The following ST8SIA6 variants were observed in gnomAD, a reference collection of about 807,000 sequenced individuals.
ST8SIA6 encodes ST8 alpha-N-acetyl-neuraminide alpha-2,8-sialyltransferase 6, also known as alpha-2,8-sialyltransferase 8F.
ST8SIA6 carries 39 observed loss-of-function variants against 33.6 expected under a neutral mutation model. The ratio of observed to expected loss-of-function variants is 1.16; its 90% confidence interval spans 0.90 to 1.52. The LOEUF (loss-of-function observed/expected upper bound fraction) is 1.52, where lower values mean the gene tolerates loss of function less well. Among genes scored for constraint, ST8SIA6 ranks in the 40% most tolerant of loss-of-function variants. The pLI is 0.00. For synonymous variants in ST8SIA6, 172 were observed against 167.2 expected (o/e 1.03, Z -0.22); for missense variants, 441 against 443.8 (o/e 0.99, Z 0.06).
chr10:17,402,875 G>A (rs1588891732), intron 2 of ST8SIA6, among the ~76,000 whole-genome samples: 1 of 152,220 alleles, frequency 6.6e-6, no homozygotes, highest in Admixed American at 6.5e-5. Context: ...GTATACATAT[G>A]TAACAAACCT....
intron 5 of ST8SIA6, 76 bp downstream of exon 5, chr10:17,331,326 ATAATTG>A: frequency 6.8e-7 from 1 of 1,473,194 alleles, no homozygotes; most frequent in South Asian, 1.4e-5. Flanking sequence ...TGAGTCCATC[ATAATTG>A]TAAGTTACAG....
intron 4 of ST8SIA6, among the ~76,000 whole-genome samples, chr10:17,340,316 C>T (rs1848632754): frequency 6.7e-6 from 1 of 149,752 alleles, no homozygotes; most frequent in African/African-American, 2.5e-5. Context: ...CTGAGTCACC[C>T]CTGGTCACCT....
intron 3 of ST8SIA6, among the ~76,000 whole-genome samples, chr10:17,381,478 T>TA (rs34993367): frequency 1.3e-5 from 2 of 151,922 alleles, no homozygotes; most frequent in African/African-American, 2.4e-5. Context: ...TAATTGGCTT[T>TA]AAAAAAAAGT....
chr10:17,402,159 C>G (rs1047888670), intron 2 of ST8SIA6, among the ~76,000 whole-genome samples: 11 of 152,158 alleles, frequency 7.2e-5, no homozygotes, highest in Non-Finnish European at 1.3e-4. Context: ...ATTTATGCAG[C>G]CAACAGACAC....
chr10:17,402,833 A>G (rs1479456884), intron 2 of ST8SIA6, among the ~76,000 whole-genome samples: 5 of 152,088 alleles, frequency 3.3e-5, no homozygotes, highest in Non-Finnish European at 5.9e-5. Flanking sequence ...TAAATGACAA[A>G]TTAATGGGTG....
chr10:17,434,666 C>G (rs1000023944), intron 2 of ST8SIA6, among the ~76,000 whole-genome samples: 2 of 152,124 alleles, frequency 1.3e-5, no homozygotes, highest in African/African-American at 4.8e-5. Flanking sequence ...AAGTACAGTG[C>G]AATCCCACAA....
intron 2 of ST8SIA6, among the ~76,000 whole-genome samples, chr10:17,419,687 C>T (rs1186913420): frequency 6.6e-6 from 1 of 152,204 alleles, no homozygotes; most frequent in African/African-American, 2.4e-5. Context: ...TCTGATTTCC[C>T]CACCCTCAGG....
At chr10:17,338,155 C>T (rs566507638) in intron 4 of ST8SIA6, among the ~76,000 whole-genome samples, 2 of 152,094 alleles carry the variant, frequency 1.3e-5, no homozygotes, top group East Asian at 1.9e-4. Flanking sequence ...CTGCCTCAGC[C>T]TCCCAAGTAG....
chr10:17,353,317 T>C (rs1403125358), intron 4 of ST8SIA6, among the ~76,000 whole-genome samples: 1 of 152,212 alleles, frequency 6.6e-6, no homozygotes, highest in African/African-American at 2.4e-5. Flanking sequence ...AATGCAAAAA[T>C]TTGATTAACT....
chr10:17,356,730 A>G (rs992939054), intron 4 of ST8SIA6, among the ~76,000 whole-genome samples: 1 of 151,676 alleles, frequency 6.6e-6, no homozygotes, highest in African/African-American at 2.4e-5. Context: ...TGGATAGGCC[A>G]TTTGGAGTAA....
At chr10:17,365,829 C>T (rs915352320) in intron 3 of ST8SIA6, among the ~76,000 whole-genome samples, 1 of 152,158 alleles carries the variant, frequency 6.6e-6, no homozygotes, top group East Asian at 1.9e-4. Context: ...AATTTGGTTT[C>T]CTATGACATC....
chr10:17,360,599 GAAAGTGGA>G (rs1260276050), intron 3 of ST8SIA6, among the ~76,000 whole-genome samples: 2 of 136,626 alleles, frequency 1.5e-5, no homozygotes, highest in East Asian at 4.7e-4. Context: ...GTGGGGGTGG[GAAAGTGGA>G]AATAGAAGTG....
At chr10:17,329,535 A>T (rs1176814518) in intron 5 of ST8SIA6, among the ~76,000 whole-genome samples, 1 of 152,192 alleles carries the variant, frequency 6.6e-6, no homozygotes, top group Non-Finnish European at 1.5e-5. Flanking sequence ...CTAGCTCAAG[A>T]TGTCTTCAGC....
At chr10:17,343,332 C>T (rs752782472) in intron 4 of ST8SIA6, among the ~76,000 whole-genome samples, 23 of 152,282 alleles carry the variant, frequency 1.5e-4, no homozygotes, top group Non-Finnish European at 2.8e-4. Flanking sequence ...AATCAATAGA[C>T]GGTTGTGCAA....
chr10:17,390,747 G>T, intron 2 of ST8SIA6, 127 bp from the exon 3 acceptor site: 5 of 601,652 alleles, frequency 8.3e-6, no homozygotes, highest in East Asian at 3.6e-5. Context: ...TCCATTATTG[G>T]ATTTCTCCAT....
chr10:17,391,166 C>T (rs941993153), intron 2 of ST8SIA6, among the ~76,000 whole-genome samples: 1 of 150,524 alleles, frequency 6.6e-6, no homozygotes, highest in Non-Finnish European at 1.5e-5. Flanking sequence ...CCTTTGAGGA[C>T]TTTATACTGG....
intron 3 of ST8SIA6, among the ~76,000 whole-genome samples, chr10:17,383,983 T>A (rs1463830576): frequency 6.6e-6 from 1 of 152,244 alleles, no homozygotes; most frequent in African/African-American, 2.4e-5. Context: ...TATTCTTAAC[T>A]TATGGCAATA....
At chr10:17,386,727 G>T (rs1205991014) in intron 3 of ST8SIA6, among the ~76,000 whole-genome samples, 1 of 152,116 alleles carries the variant, frequency 6.6e-6, no homozygotes, top group Non-Finnish European at 1.5e-5. Context: ...ATTTCAGGCC[G>T]AGGCCTAAAA....
intron 2 of ST8SIA6, among the ~76,000 whole-genome samples, chr10:17,408,938 TTC>T (rs1266154275): frequency 6.9e-6 from 1 of 145,674 alleles, no homozygotes; most frequent in Non-Finnish European, 1.5e-5. Flanking sequence ...TTTTCTTTCT[TTC>T]TTTTTTTTTT....
Sources: allele counts gnomAD v4.1 joint callset (sites outside exome capture counted in the v4.1 genomes callset), GRCh38; gene constraint gnomAD v4.1.1; transcripts MANE v1.5; gene names NCBI Gene and HGNC (gene_info 2026-07-23, HGNC 2026-07-21).